The following ENDOU variants were observed in gnomAD, a reference collection of about 807,000 sequenced individuals.
The protein encoded by ENDOU is uridylate-specific endoribonuclease.
Under a neutral mutation model 54.2 loss-of-function variants are expected in ENDOU, and 49 were observed. That is an observed-to-expected ratio of 0.90 (90% CI 0.72 to 1.15). ENDOU has a LOEUF of 1.15. Among genes scored for constraint, ENDOU ranks in the 50% most tolerant of loss-of-function variants. ENDOU has a pLI of 0.00. For missense variants in ENDOU, 458 were observed against 511.4 expected, an observed-to-expected ratio of 0.90 and a Z score of 1.01; for synonymous variants, 172 against 190.5, an observed-to-expected ratio of 0.90 and a Z score of 0.80.
Position 47,713,740 on chromosome 12 carries a change from C to T in ENDOU, c.752-352G>A, listed in dbSNP as rs1340378238. On this transcript the variant is annotated intron_variant, in intron 6 of 9. Coordinates refer to ENST00000422538, the MANE Select transcript of ENDOU (RefSeq NM_001172439.2). ...GGGAAAGGGCTGGCACATAAGTTGGCGGGGGGGGGGGGTCTTCTAGAAAGG... is the reference window on the plus strand; with the variant it reads ...GGGAAAGGGCTGGCACATAAGTTGGTGGGGGGGGGGGGTCTTCTAGAAAGG... Among the ~76,000 whole-genome samples, 7 of 107,650 alleles carry T rather than the reference C, an allele frequency of 6.5e-5. No individual in the cohort carries two copies. The Admixed American group carries it at 6.9e-4, about 11-fold the overall frequency. The allele number at this position is 107,650 out of a possible 152,430, so 70.6% of individuals were successfully genotyped here.
At chr12:47,717,724 CGCTCCCTA>C (rs1940305445) in intron 3 of ENDOU, 69 bp from the exon 4 acceptor site, 6 of 1,527,728 alleles carry the variant, frequency 3.9e-6, no homozygotes, top group Non-Finnish European at 4.5e-6. Flanking sequence ...CACAGGCTGT[CGCTCCCTA>C]GCCTGGCTGT....
chr12:47,716,568 T>C, intron 5 of ENDOU, 69 bp from the exon 6 acceptor site: 2 of 1,468,298 alleles, frequency 1.4e-6, no homozygotes, highest in South Asian at 2.4e-5. Flanking sequence ...CAGAGACTTC[T>C]AGACAGGCCA....
Position 47,713,508 on chromosome 12 carries a change from C to T in ENDOU, c.752-120G>A, listed in dbSNP as rs982314634. On this transcript the variant is annotated intron_variant, in intron 6 of 9. Coordinates refer to ENST00000422538, the MANE Select transcript of ENDOU (RefSeq NM_001172439.2). ...TCAAGAAACATGTGGGTTCAATCAA[C>T]AAATGTGTTCGGCTGTTAATTCAAT... 5.0e-5 allele frequency: 34 copies of T among 686,254 alleles called. No individual in the cohort carries two copies. The Admixed American group carries it at 7.5e-4, about 15-fold the overall frequency. 42.5% of individuals were successfully genotyped at this position (686,254 alleles called of 1,614,324 possible). A position where few individuals can be genotyped will look rare whatever the true frequency, so the allele number is the denominator to read the frequency against.
intron 6 of ENDOU, among the ~76,000 whole-genome samples, chr12:47,714,659 C>T (rs895198386): frequency 1.3e-5 from 2 of 152,142 alleles, no homozygotes; most frequent in Admixed American, 6.5e-5. Flanking sequence ...GGGTTATGCC[C>T]GCCATTTATG....
chr12:47,712,183 A>G lies in ENDOU; in HGVS notation c.972+333T>C, dbSNP rs548170609. ...GTTTAGCTCAAACTAGCCAGGCTGA[A>G]ACTTTCAGCCACGTTCTAAGGAAAC... On this transcript the variant is annotated intron_variant, in intron 8 of 9. Coordinates refer to ENST00000422538, the MANE Select transcript of ENDOU (RefSeq NM_001172439.2). 6.9e-4 allele frequency among the ~76,000 whole-genome samples: 105 copies of G among 152,340 alleles called. 3 individuals carry two copies. Among genetic ancestry groups the G allele is most frequent in the Non-Finnish European group, 2.1e-4 (14 of 68,018 alleles).
rs749983336 is a variant in ENDOU at position 47,713,350 on chromosome 12, T to G, written c.790A>C (p.Lys264Gln). The G allele has an allele frequency of 1.9e-6, 3 of 1,614,088 alleles. No individual in the cohort carries two copies. The Admixed American group carries it at 5.0e-5, about 27-fold the overall frequency. Residue 264 changes from lysine (K) to glutamine (Q), a missense_variant, in exon 7 of 10, where the codon AAG becomes CAG. By Grantham distance (53) the Lys-to-Gln change is moderately conservative. Coordinates refer to ENST00000422538, the MANE Select transcript of ENDOU (RefSeq NM_001172439.2). ...GSEQEFVDDL[K>Q]NMWFGLYSRG... ...GAATAGAGCCCAAACCACATGTTCTTCAAGTCATCGACAAACTCTTGCTCT... is the reference window on the plus strand; with the variant it reads ...GAATAGAGCCCAAACCACATGTTCTGCAAGTCATCGACAAACTCTTGCTCT...
chr12:47,721,877 G>A (rs912739615), intron 1 of ENDOU, among the ~76,000 whole-genome samples: 2 of 152,218 alleles, frequency 1.3e-5, no homozygotes, highest in African/African-American at 2.4e-5. Context: ...GGGTTACAGA[G>A]AATGTCAAGA....
At chr12:47,722,135 G>A (rs73105803) in intron 1 of ENDOU, among the ~76,000 whole-genome samples, 10,784 of 152,210 alleles carry the variant, frequency 0.071, 484 homozygotes, top group Middle Eastern at 0.099. Context: ...GTTTTGTTTG[G>A]GGGCTTGGTT....
chr12:47,717,556 T>C lies in ENDOU; in HGVS notation c.344A>G (p.Asn115Ser), dbSNP rs1379229857. Residue 115 changes from asparagine (N) to serine (S), a missense_variant, in exon 4 of 10, where the codon AAC becomes AGC. Physicochemically the swap from Asn to Ser is conservative, Grantham distance 46. Transcript: ENST00000422538. ...CAGGCTCTCAAAATCCTTGCAGCAG[T>C]TCCCAAACTCTTGGCAGCGGGCATT... is the stretch of plus-strand genomic sequence containing the variant. The part of the protein sequence containing the change: ...HCNARCQEFG[N>S]CCKDFESLCS... The C allele has an allele frequency of 6.2e-6, 10 of 1,614,198 alleles. No individual in the cohort carries two copies. In the East Asian group the frequency reaches 8.9e-5, roughly 14 times the overall value.
At position 47,725,424 on chromosome 12, in the gene ENDOU, TG is replaced by T; in HGVS notation, c.-12del. On this transcript the variant is annotated 5_prime_UTR_variant, in exon 1 of 10. Transcript: ENST00000422538. Reference sequence around the variant, plus strand: ...GATGCAGGCCCTCATGGTGCCCAGTTGGAGGCCAAAAAGGGAGTGGCTGTTG... The same window carrying T: ...GATGCAGGCCCTCATGGTGCCCAGTTGAGGCCAAAAAGGGAGTGGCTGTTG... 6.2e-7 allele frequency: 1 copy of T among 1,614,064 alleles called. No homozygotes were observed. The highest frequency in any genetic ancestry group is 8.5e-7 in the Non-Finnish European group (1 of 1,179,970).
At position 47,717,026 on chromosome 12, in the gene ENDOU, CTT is replaced by C. The variant is rs1452040221; in HGVS notation, c.413_414del (p.Lys138ArgfsTer8). ...EVSHSSDAITKEEIQSISEKI... is the reference protein window; with the variant it reads ...EVSHSSDAITXEEIQSISEKI... ...TTCTCAGAGATGCTCTGAATCTCCT[CTT>C]TTGTTATGGCATCACTGCTGTGGGA... On this transcript the variant is annotated frameshift_variant, in exon 5 of 10. Coordinates refer to ENST00000422538, the MANE Select transcript of ENDOU (RefSeq NM_001172439.2). LOFTEE classifies it high-confidence loss of function. 1 of 1,613,932 alleles carries C rather than the reference CTT, an allele frequency of 6.2e-7. No homozygotes were observed. The highest frequency in any genetic ancestry group is 1.3e-5 in the African/African-American group (1 of 74,878).
intron 2 of ENDOU, 26 bp from the exon 3 acceptor site, chr12:47,718,220 C>T (rs1275748425): frequency 6.5e-7 from 1 of 1,548,806 alleles, no homozygotes; most frequent in Non-Finnish European, 8.8e-7. Flanking sequence ...AAAATAAAGT[C>T]ACCAACAACC....
chr12:47,716,197 C>A (rs1428184850), intron 6 of ENDOU, 103 bp downstream of exon 6: 6 of 1,112,610 alleles, frequency 5.4e-6, no homozygotes, highest in Non-Finnish European at 8.1e-6. Context: ...TCCACAGAGT[C>A]CCCACCGCCT....
rs564066967 is a variant in ENDOU at position 47,724,996 on chromosome 12, G to A, written c.55+363C>T. Among the ~76,000 whole-genome samples the A allele has an allele frequency of 9.8e-5, 15 of 152,302 alleles. No individual in the cohort carries two copies. In the East Asian group the frequency reaches 2.9e-3, roughly 29 times the overall value. On this transcript the variant is annotated intron_variant, in intron 1 of 9. Transcript: ENST00000422538. ...TGACCAAGGGCAGCCAGGCCACTCAGACCCCATGGACACCAGCCCTAGCTT... is the reference window on the plus strand; with the variant it reads ...TGACCAAGGGCAGCCAGGCCACTCAAACCCCATGGACACCAGCCCTAGCTT...
chr12:47,723,149 C>T lies in ENDOU; in HGVS notation c.55+2210G>A, dbSNP rs554834941. Among the ~76,000 whole-genome samples, 11 of 152,274 alleles carry T rather than the reference C, an allele frequency of 7.2e-5. No homozygotes were observed. The South Asian group carries it at 1.0e-3, about 14-fold the overall frequency. Reference sequence around the variant, plus strand: ...GGTTGCAAGCGAGCAGTCAGCTGGACGTGCAGGAGAGCACCCCCGCCGGCC... The same window carrying T: ...GGTTGCAAGCGAGCAGTCAGCTGGATGTGCAGGAGAGCACCCCCGCCGGCC... On this transcript the variant is annotated intron_variant, in intron 1 of 9. Coordinates refer to ENST00000422538, the MANE Select transcript of ENDOU (RefSeq NM_001172439.2).
chr12:47,716,154 T>G, intron 6 of ENDOU, 146 bp downstream of exon 6: 1 of 784,856 alleles, frequency 1.3e-6, no homozygotes, highest in Non-Finnish European at 2.1e-6. Flanking sequence ...CCCCCTGGCC[T>G]CATCCCTCAT....
chr12:47,712,606 G>A lies in ENDOU; in HGVS notation c.882C>T (p.Gly294=). 4 of 1,613,858 alleles carry A rather than the reference G, an allele frequency of 2.5e-6. No homozygotes were observed. Among genetic ancestry groups the A allele is most frequent in the Non-Finnish European group, 3.4e-6 (4 of 1,179,856 alleles). Residue 294 remains glycine, a synonymous_variant, in exon 8 of 10, where the codon GGC becomes GGT. Transcript: ENST00000422538. ...TCCAGTTATGGAAGCCAGTAACCTT[G>A]CCTTTTTTTACCTCACCTATAATAA... ...EHVFSGEVKK[G]KVTGFHNWIR...
chr12:47,716,235 C>G lies in ENDOU; in HGVS notation c.751+65G>C, dbSNP rs558140255. 2.5e-5 allele frequency: 38 copies of G among 1,540,024 alleles called. No homozygotes were observed. The South Asian group carries it at 2.7e-4, about 11-fold the overall frequency. ...TCACCTGCCCTCCTAACCTTCCCCT[C>G]CCCCGCCCACCTGGCTTCGCTCAGA... On this transcript the variant is annotated intron_variant, in intron 6 of 9. Transcript: ENST00000422538.
At chr12:47,724,698 T>A (rs1940532002) in intron 1 of ENDOU, among the ~76,000 whole-genome samples, 1 of 152,036 alleles carries the variant, frequency 6.6e-6, no homozygotes, top group Non-Finnish European at 1.5e-5. Flanking sequence ...TTTGCACAGT[T>A]ACTAAACAGG....
Sources: allele counts gnomAD v4.1 joint callset (sites outside exome capture counted in the v4.1 genomes callset), GRCh38; gene constraint gnomAD v4.1.1; transcripts MANE v1.5; gene names NCBI Gene and HGNC (gene_info 2026-07-23, HGNC 2026-07-21).